Variants in HNF4G observed in about 807,000 individuals in gnomAD.
HNF4G encodes the protein hepatocyte nuclear factor 4-gamma.
In HNF4G, 21 loss-of-function variants were observed where a neutral mutation model predicts 50.9. The observed-to-expected ratio is 0.41, with a 90% CI of 0.29 to 0.59. HNF4G has a LOEUF of 0.59. HNF4G is among the 20% of genes least tolerant of loss of function. The pLI is 0.26. For missense variants in HNF4G, 527 were observed against 559.4 expected, an observed-to-expected ratio of 0.94 and a Z score of 0.58; for synonymous variants, 198 against 185.6, an observed-to-expected ratio of 1.07 and a Z score of -0.54.
chr8:75,551,001 A>C (rs1214796701), intron 3 of HNF4G, among the ~76,000 whole-genome samples: 1 of 152,050 alleles, frequency 6.6e-6, no homozygotes, highest in African/African-American at 2.4e-5. Context: ...TATGACTCAT[A>C]TTTTCTGATA....
intron 1 of HNF4G, among the ~76,000 whole-genome samples, chr8:75,542,727 T>C (rs1302485172): frequency 6.6e-6 from 1 of 151,408 alleles, no homozygotes; most frequent in African/African-American, 2.4e-5. Flanking sequence ...GAGGGTGACA[T>C]GATATGAATT....
chr8:75,502,539 T>G (rs1356721766), intron 2 of HNF4G, among the ~76,000 whole-genome samples: 1 of 152,146 alleles, frequency 6.6e-6, no homozygotes, highest in African/African-American at 2.4e-5. Flanking sequence ...AAGTAAGCTT[T>G]TAAACATATA....
chr8:75,443,878 A>G (rs1300130664), intron 1 of HNF4G, among the ~76,000 whole-genome samples: 1 of 152,212 alleles, frequency 6.6e-6, no homozygotes, highest in Non-Finnish European at 1.5e-5. Flanking sequence ...AACTGTAAGT[A>G]TAAATAAATA....
At chr8:75,418,354 A>G (rs900098151) in intron 1 of HNF4G, among the ~76,000 whole-genome samples, 5 of 152,208 alleles carry the variant, frequency 3.3e-5, no homozygotes, top group Admixed American at 2.0e-4. Context: ...GGAGGGACAC[A>G]CAGTTCAGCC....
At chr8:75,484,981 T>G (rs146251028) in intron 1 of HNF4G, among the ~76,000 whole-genome samples, 1 of 152,210 alleles carries the variant, frequency 6.6e-6, no homozygotes, top group Non-Finnish European at 1.5e-5. Flanking sequence ...CGTCTCTGAA[T>G]GTTGTGCACA....
intron 1 of HNF4G, among the ~76,000 whole-genome samples, chr8:75,412,597 A>T (rs1810526352): frequency 6.6e-6 from 1 of 152,170 alleles, no homozygotes; most frequent in Admixed American, 6.5e-5. Context: ...AAGTATGATA[A>T]CACCTGGATC....
intron 2 of HNF4G, among the ~76,000 whole-genome samples, chr8:75,510,677 A>T (rs1306982463): frequency 1.3e-5 from 2 of 152,210 alleles, no homozygotes; most frequent in African/African-American, 2.4e-5. Flanking sequence ...AGACTATAGC[A>T]TATAGCCTAG....
intron 2 of HNF4G, among the ~76,000 whole-genome samples, chr8:75,497,895 T>C (rs1227433600): frequency 2.0e-5 from 3 of 152,076 alleles, no homozygotes; most frequent in Non-Finnish European, 4.4e-5. Flanking sequence ...GTATAAACAC[T>C]ACACAAAATT....
At chr8:75,445,676 C>T (rs1260903767) in intron 1 of HNF4G, among the ~76,000 whole-genome samples, 3 of 128,216 alleles carry the variant, frequency 2.3e-5, no homozygotes, top group East Asian at 2.6e-4. Context: ...ACTAGAAAAT[C>T]GAGAAGAAAT....
At chr8:75,451,463 T>G (rs1216495714) in intron 1 of HNF4G, among the ~76,000 whole-genome samples, 1 of 152,214 alleles carries the variant, frequency 6.6e-6, no homozygotes, top group Non-Finnish European at 1.5e-5. Flanking sequence ...TCTGGTAGTT[T>G]TATAGTTTCA....
intron 2 of HNF4G, among the ~76,000 whole-genome samples, chr8:75,513,145 C>CT (rs1805801283): frequency 6.6e-6 from 1 of 152,026 alleles, no homozygotes; most frequent in African/African-American, 2.4e-5. Context: ...TCAAGCGATT[C>CT]TCCTGCCTCA....
chr8:75,469,431 A>G (rs1812063961), intron 1 of HNF4G, among the ~76,000 whole-genome samples: 1 of 152,198 alleles, frequency 6.6e-6, no homozygotes, highest in South Asian at 2.1e-4. Flanking sequence ...GATTCTTGGT[A>G]TACATAATTT....
upstream of HNF4G, among the ~76,000 whole-genome samples, chr8:75,535,706 A>G (rs1012680428): frequency 6.6e-6 from 1 of 151,964 alleles, no homozygotes; most frequent in Admixed American, 6.6e-5. Context: ...TTAGCATTCC[A>G]AATTATTTTC....
intron 1 of HNF4G, among the ~76,000 whole-genome samples, chr8:75,466,576 C>CCTTT (rs1811980064): frequency 2.7e-5 from 2 of 73,180 alleles, no homozygotes; most frequent in Non-Finnish European, 5.6e-5. Flanking sequence ...CTCGCTCCTT[C>CCTTT]CTTCCTTCCT....
At chr8:75,560,639 C>T (rs558080537) in intron 9 of HNF4G, among the ~76,000 whole-genome samples, 173 bp downstream of exon 9, 1 of 152,230 alleles carries the variant, frequency 6.6e-6, no homozygotes, top group Admixed American at 6.5e-5. Context: ...TCTCCCTAGA[C>T]ATAAGTTTGC....
rs749367930 is a variant in HNF4G, at chr8:75,547,733, TACAC to T, written c.382+58_382+61del. 7 of 1,064,534 alleles carry T rather than the reference TACAC, an allele frequency of 6.6e-6. No individual in the cohort carries two copies. The South Asian group carries it at 8.8e-5, about 13-fold the overall frequency. The allele number at this position is 1,064,534 out of a possible 1,614,324, so 65.9% of individuals were successfully genotyped here. Reference sequence around the variant, plus strand: ...CATTATTGATGAAAAGTGATAAACATACACACACATTCTCATTGATTAGTATAAC... The same window carrying T: ...CATTATTGATGAAAAGTGATAAACATACACATTCTCATTGATTAGTATAAC... On this transcript the variant is annotated intron_variant, in intron 3 of 9. Coordinates refer to ENST00000396423, the MANE Select transcript of HNF4G (RefSeq NM_004133.5).
At chr8:75,503,995 G>C (rs1812997747) in intron 2 of HNF4G, among the ~76,000 whole-genome samples, 1 of 152,138 alleles carries the variant, frequency 6.6e-6, no homozygotes, top group Non-Finnish European at 1.5e-5. Flanking sequence ...GCCGAGGCAG[G>C]TGGATCATTT....
At chr8:75,440,843 A>C (rs1052200237) in intron 1 of HNF4G, among the ~76,000 whole-genome samples, 1 of 152,036 alleles carries the variant, frequency 6.6e-6, no homozygotes, top group African/African-American at 2.4e-5. Context: ...CACTTCAATT[A>C]ATTAATTTCT....
chr8:75,457,250 T>A (rs1354627903), intron 1 of HNF4G, among the ~76,000 whole-genome samples: 1 of 152,142 alleles, frequency 6.6e-6, no homozygotes, highest in Non-Finnish European at 1.5e-5. Flanking sequence ...GAACCACACC[T>A]CTTACATACC....
Sources: gnomAD v4.1 joint callset for allele counts (sites outside exome capture counted in the v4.1 genomes callset) on GRCh38, gnomAD v4.1.1 for gene constraint, MANE v1.5 for transcripts, NCBI Gene and HGNC (gene_info 2026-07-23, HGNC 2026-07-21) for gene names.